Variants in GRID2IP observed in about 807,000 individuals in gnomAD.
The protein encoded by GRID2IP is delphilin.
Under a neutral mutation model 114.3 loss-of-function variants are expected in GRID2IP, and 78 were observed. The observed-to-expected ratio is 0.68, with a 90% CI of 0.57 to 0.82. GRID2IP has a LOEUF of 0.82. Ranked by LOEUF, GRID2IP falls within the 40% of genes least tolerant of loss-of-function variation. GRID2IP has a pLI of 0.00. For synonymous variants in GRID2IP, 809 were observed against 724.0 expected (o/e 1.12, Z -1.89); for missense variants, 1,727 against 1,678.5 (o/e 1.03, Z -0.51).
At chr7:6,498,319 T>C in intron 20 of GRID2IP, 91 bp from the exon 21 acceptor site, 2 of 1,294,574 alleles carry the variant, frequency 1.5e-6, no homozygotes, top group South Asian at 1.5e-5. Flanking sequence ...AGCAGCCCTA[T>C]TCCCGGTTGG....
chr7:6,505,436 C>T (rs1166122473), intron 14 of GRID2IP, among the ~76,000 whole-genome samples: 1 of 148,984 alleles, frequency 6.7e-6, no homozygotes. Context: ...GGTGTGATCG[C>T]GGCTCACTGC....
chr7:6,522,805 A>ATTG (rs776645557), intron 4 of GRID2IP, among the ~76,000 whole-genome samples: 3 of 57,044 alleles, frequency 5.3e-5, no homozygotes, highest in Non-Finnish European at 1.4e-4. Flanking sequence ...TGCCTGGCTA[A>ATTG]TATGTGTGTG....
chr7:6,538,192 C>T (rs1417307593), intron 2 of GRID2IP, among the ~76,000 whole-genome samples: 1 of 151,928 alleles, frequency 6.6e-6, no homozygotes, highest in Non-Finnish European at 1.5e-5. Flanking sequence ...CATGGCGAAA[C>T]CTCATCTCTA....
At chr7:6,504,727 G>C in intron 15 of GRID2IP, 66 bp downstream of exon 15, 1 of 1,264,702 alleles carries the variant, frequency 7.9e-7, no homozygotes, top group East Asian at 2.5e-5. Context: ...ACCTGGGCAG[G>C]TCTGAGGCCC....
rs1183894022 is a variant in GRID2IP, at chr7:6,508,446, G to C, written c.2128-45C>G. The C allele has an allele frequency of 6.5e-7, 1 of 1,549,234 alleles. No homozygotes were observed. The highest frequency in any genetic ancestry group is 8.7e-7 in the Non-Finnish European group (1 of 1,146,500). On this transcript the variant is annotated intron_variant, in intron 12 of 21. Coordinates refer to ENST00000457091, the MANE Select transcript of GRID2IP (RefSeq NM_001145118.2). This position sits in a 1 kb window ranked among gnomAD's most constrained non-coding sequence, Gnocchi z 5.6. ...CAAGGGGAGGGTGAGGCTGGGCCCA[G>C]AGAGACTAGAGCAGGTGCAAAGTGA...
At chr7:6,535,383 C>G (rs1157275505) in intron 2 of GRID2IP, among the ~76,000 whole-genome samples, 1 of 152,216 alleles carries the variant, frequency 6.6e-6, no homozygotes. Flanking sequence ...CTAGATGGCC[C>G]AGCTTCATGG....
chr7:6,517,009 C>G (rs886584718), intron 7 of GRID2IP, among the ~76,000 whole-genome samples: 1 of 151,912 alleles, frequency 6.6e-6, no homozygotes, highest in African/African-American at 2.4e-5. Context: ...GGTAGTGGTC[C>G]CCCGGGCCCA....
chr7:6,520,419 C>T lies in GRID2IP; in HGVS notation c.1268+159G>A, dbSNP rs1207843218. ...AGATTGTTCCAGGGCAGCTCAATTG[C>T]CCACCACCCTGGGGCCCCTGATACC... On this transcript the variant is annotated intron_variant, in intron 7 of 21. Coordinates refer to ENST00000457091, the MANE Select transcript of GRID2IP (RefSeq NM_001145118.2). This position sits in a 1 kb window ranked among gnomAD's most constrained non-coding sequence, Gnocchi z 4.6. Among the ~76,000 whole-genome samples the T allele has an allele frequency of 6.6e-6, 1 of 152,162 alleles. No individual in the cohort carries two copies. The highest frequency in any genetic ancestry group is 1.9e-4 in the East Asian group (1 of 5,192).
intron 1 of GRID2IP, among the ~76,000 whole-genome samples, chr7:6,544,859 A>G (rs867021153): frequency 1.3e-4 from 20 of 152,044 alleles, no homozygotes; most frequent in Non-Finnish European, 2.5e-4. Context: ...AGGCAGGCGG[A>G]TCACAAGGTC....
chr7:6,509,243 C>T lies in GRID2IP; in HGVS notation c.1842G>A (p.Leu614=). Reference sequence around the variant, plus strand: ...TGGGGGAGGCCAGACCCCCCGAACACAGCGGGTGGTAGCAGGGGGAGGGCA... The same window carrying T: ...TGGGGGAGGCCAGACCCCCCGAACATAGCGGGTGGTAGCAGGGGGAGGGCA... ...RLLPSPCYHP[L]CSGGLASPSS... is the part of the protein sequence containing the mutation. Residue 614 remains leucine (L), a synonymous_variant, in exon 12 of 22, where the codon CTG becomes CTA. Coordinates refer to ENST00000457091, the MANE Select transcript of GRID2IP (RefSeq NM_001145118.2). This position sits in a 1 kb window ranked among gnomAD's most constrained non-coding sequence, Gnocchi z 4.9. 5 of 1,521,996 alleles carry T rather than the reference C, an allele frequency of 3.3e-6. No individual in the cohort carries two copies. Among genetic ancestry groups the T allele is most frequent in the Non-Finnish European group, 4.4e-6 (5 of 1,132,578 alleles). The allele number at this position is 1,521,996 out of a possible 1,614,324, so 94.3% of individuals were successfully genotyped here.
At position 6,549,578 on chromosome 7, in the gene GRID2IP, G is replaced by C. The variant is rs533224905; in HGVS notation, c.429+1430C>G. ...AGGGCAGGTCTAATCCTGGTTTTGT[G>C]GGGGCTTAGAACAGGCGGAATTCTT... is the stretch of plus-strand genomic sequence containing the variant. On this transcript the variant is annotated intron_variant, in intron 1 of 21. Coordinates refer to ENST00000457091, the MANE Select transcript of GRID2IP (RefSeq NM_001145118.2). Among the ~76,000 whole-genome samples, 7 of 152,302 alleles carry C rather than the reference G, an allele frequency of 4.6e-5. No homozygotes were observed. The East Asian group carries it at 1.2e-3, about 25-fold the overall frequency.
intron 20 of GRID2IP, among the ~76,000 whole-genome samples, chr7:6,500,331 G>C (rs181769553): frequency 0.025 from 3,828 of 152,192 alleles, 74 homozygotes; most frequent in Middle Eastern, 0.051. Context: ...GGTTGTGGTG[G>C]TGGGCACCTG....
In GRID2IP at chr7:6,508,118, G is replaced by T; in HGVS notation, c.2411C>A (p.Pro804His). The T allele has an allele frequency of 6.6e-7, 1 of 1,525,840 alleles. No individual in the cohort carries two copies. Among genetic ancestry groups the T allele is most frequent in the Non-Finnish European group, 8.8e-7 (1 of 1,137,352 alleles). The allele number at this position is 1,525,840 out of a possible 1,614,324, so 94.5% of individuals were successfully genotyped here. The part of the protein sequence containing the change: ...PVPPPPPPPL[P>H]PPVPCAPPML... ...GGGGGGTGCACAGGGCACGGGTGGG[G>T]GCAGGGGCGGTGGGGGTGGTGGAGG... Residue 804 changes from proline to histidine, a missense_variant, in exon 13 of 22, where the codon CCC becomes CAC. Coordinates refer to ENST00000457091, the MANE Select transcript of GRID2IP (RefSeq NM_001145118.2). The surrounding 1 kb of genome is among the most constrained non-coding windows in gnomAD (Gnocchi z 5.6).
rs1386782335 is a variant in GRID2IP at position 6,532,651 on chromosome 7, C to T, written c.585-5882G>A. On this transcript the variant is annotated intron_variant, in intron 2 of 21. Transcript: ENST00000457091. The surrounding 1 kb of genome is among the most constrained non-coding windows in gnomAD (Gnocchi z 4.4). The stretch of plus-strand genomic sequence containing the variant: ...GGGAGAGAAGCAGCTGACAAGCCTC[C>T]CAGCCAGCACAGCTCTCTGTCGTCT... 6.6e-6 allele frequency among the ~76,000 whole-genome samples: 1 copy of T among 152,248 alleles called. No individual in the cohort carries two copies. The highest frequency in any genetic ancestry group is 2.4e-5 in the African/African-American group (1 of 41,468).
In GRID2IP at chr7:6,525,394, G is replaced by T. The variant is rs568965482; in HGVS notation, c.919+830C>A. Among the ~76,000 whole-genome samples, 9 of 152,224 alleles carry T rather than the reference G, an allele frequency of 5.9e-5. No homozygotes were observed. The East Asian group carries it at 1.2e-3, about 20-fold the overall frequency. The stretch of plus-strand genomic sequence containing the variant: ...CCCAGCGCTTTGGGAGGCCAAGGCG[G>T]GAGGATTACTTGAGCTCAGGAGTTC... On this transcript the variant is annotated intron_variant, in intron 4 of 21. Coordinates refer to ENST00000457091, the MANE Select transcript of GRID2IP (RefSeq NM_001145118.2).
chr7:6,503,745 C>A, intron 15 of GRID2IP, 58 bp from the exon 16 acceptor site: 2 of 1,298,300 alleles, frequency 1.5e-6, no homozygotes, highest in South Asian at 1.6e-5. Context: ...GGATGGGACC[C>A]AAGACGGAGA....
In GRID2IP at chr7:6,503,062, C is replaced by G; in HGVS notation, c.3009G>C (p.Leu1003Phe). The change falls in exon 17 of 22, where the codon TTG becomes TTC. Residue 1003 changes from leucine (L) to phenylalanine (F), a missense_variant. Coordinates refer to ENST00000457091, the MANE Select transcript of GRID2IP (RefSeq NM_001145118.2). ...TEEIRGSLEC[L>F]RQASLELKNS... ...TTTTGAGCTCCAGGGAGGCCTGGCGCAAGCATTCAAGGCTGCCTCGGATCT... is the reference window on the plus strand; with the variant it reads ...TTTTGAGCTCCAGGGAGGCCTGGCGGAAGCATTCAAGGCTGCCTCGGATCT... 1.3e-6 allele frequency: 2 copies of G among 1,551,542 alleles called. No individual in the cohort carries two copies. The highest frequency in any genetic ancestry group is 1.7e-6 in the Non-Finnish European group (2 of 1,146,972).
At chr7:6,529,954 TCTCTCTC>T (rs1180930880) in intron 2 of GRID2IP, among the ~76,000 whole-genome samples, 5 of 92,560 alleles carry the variant, frequency 5.4e-5, no homozygotes, top group Middle Eastern at 5.7e-3. Context: ...TCTCTCTCTC[TCTCTCTC>T]TTTTTTTTTT....
At chr7:6,545,041 C>G (rs990700563) in intron 1 of GRID2IP, among the ~76,000 whole-genome samples, 1 of 152,098 alleles carries the variant, frequency 6.6e-6, no homozygotes, top group South Asian at 2.1e-4. Flanking sequence ...AAGCCGAGAT[C>G]GCGCCACTGC....
Sources: gnomAD v4.1 joint callset for allele counts (sites outside exome capture counted in the v4.1 genomes callset) on GRCh38, gnomAD v4.1.1 for gene constraint, Gnocchi (gnomAD v3.1) non-coding constraint, MANE v1.5 for transcripts, NCBI Gene and HGNC (gene_info 2026-07-23, HGNC 2026-07-21) for gene names.